Variants in SH2B2 observed in about 807,000 individuals in gnomAD.
The protein encoded by SH2B2 is SH2B adapter protein 2.
A neutral mutation model predicts 35.7 loss-of-function variants in SH2B2; 37 were observed. The observed-to-expected ratio is 1.04, with a 90% CI of 0.80 to 1.36. SH2B2 has a LOEUF of 1.36. Ranked by LOEUF, SH2B2 falls within the 40% of genes most tolerant of loss-of-function variation. The probability of loss-of-function intolerance (pLI) is 0.00; values close to 1 mark genes in which losing one functional copy is unlikely to be tolerated. For missense variants in SH2B2, 852 were observed against 817.7 expected (o/e 1.04, Z -0.51); for synonymous variants, 383 against 376.4 (o/e 1.02, Z -0.20).
intron 3 of SH2B2, 94 bp from the exon 4 acceptor site, chr7:102,308,721 G>A (rs1793497794): frequency 1.1e-6 from 1 of 892,906 alleles, no homozygotes; most frequent in South Asian, 1.4e-5. Flanking sequence ...TGGGAGAGGG[G>A]GATCAGCCAT....
intron 1 of SH2B2, among the ~76,000 whole-genome samples, chr7:102,290,283 G>A (rs1454583411): frequency 4.0e-5 from 6 of 149,604 alleles, no homozygotes; most frequent in South Asian, 2.1e-4. Context: ...TTGCTCTGTC[G>A]ACCAGGCTGG....
intron 1 of SH2B2, among the ~76,000 whole-genome samples, chr7:102,291,256 G>A (rs1792660955): frequency 6.6e-6 from 1 of 152,220 alleles, no homozygotes. Flanking sequence ...AAGCCGGGGG[G>A]CTCAGCAGAA....
intron 7 of SH2B2, among the ~76,000 whole-genome samples, chr7:102,318,119 A>G (rs1554557465): frequency 6.6e-6 from 1 of 151,880 alleles, no homozygotes; most frequent in Non-Finnish European, 1.5e-5. Context: ...TCCTTGCTAT[A>G]TTGACCTGAA....
chr7:102,300,560 G>T lies in SH2B2; in HGVS notation c.10G>T (p.Ala4Ser). Residue 4 changes from alanine (A) to serine (S), a missense_variant, in exon 2 of 9, where the codon GCC becomes TCC. Physicochemically the swap from Ala to Ser is moderately conservative, Grantham distance 99 (BLOSUM62 1). Transcript: ENST00000444095. ...CGATGGGACGGAAGCCATGAATGGT[G>T]CCGGCCCTGGCCCCGCCGCAGCCGC... MNG[A>S]GPGPAAAAPV... The T allele has an allele frequency of 6.5e-7, 1 of 1,545,406 alleles. No homozygotes were observed. The highest frequency in any genetic ancestry group is 8.7e-7 in the Non-Finnish European group (1 of 1,145,920).
intron 4 of SH2B2, among the ~76,000 whole-genome samples, chr7:102,312,857 C>T (rs6956640): frequency 0.21 from 31,152 of 151,862 alleles, 3,909 homozygotes; most frequent in East Asian, 0.31. Flanking sequence ...GGGCCGGGCG[C>T]GGTGGCTCAT....
At chr7:102,289,218 A>G (rs1264665786) in intron 1 of SH2B2, among the ~76,000 whole-genome samples, 2 of 152,108 alleles carry the variant, frequency 1.3e-5, no homozygotes, top group African/African-American at 4.8e-5. Flanking sequence ...CCCATTCTCC[A>G]CATACTTCCG....
At chr7:102,305,490 TC>T (rs1793358508) in intron 2 of SH2B2, among the ~76,000 whole-genome samples, 1 of 152,072 alleles carries the variant, frequency 6.6e-6, no homozygotes, top group Non-Finnish European at 1.5e-5. Context: ...GGTCTGGAAT[TC>T]CTGACCTCAA....
At chr7:102,315,569 G>A (rs1379935975) in intron 6 of SH2B2, among the ~76,000 whole-genome samples, 3 of 151,652 alleles carry the variant, frequency 2.0e-5, no homozygotes, top group South Asian at 2.1e-4. Context: ...CCTAAGTGCT[G>A]GAATTATAGG....
intron 1 of SH2B2, among the ~76,000 whole-genome samples, chr7:102,298,952 G>A (rs1229148367): frequency 8.4e-6 from 1 of 119,498 alleles, no homozygotes; most frequent in Non-Finnish European, 1.6e-5. Flanking sequence ...ATGGAGTCTC[G>A]CTCTGTCGCC....
intron 1 of SH2B2, among the ~76,000 whole-genome samples, chr7:102,296,949 A>G (rs1792941315): frequency 6.6e-6 from 1 of 151,926 alleles, no homozygotes; most frequent in African/African-American, 2.4e-5. Flanking sequence ...ACTGCACTCC[A>G]CCCTGGGAGA....
At chr7:102,319,206 C>T (rs782290854) in intron 7 of SH2B2, among the ~76,000 whole-genome samples, 2 of 152,212 alleles carry the variant, frequency 1.3e-5, no homozygotes, top group Non-Finnish European at 2.9e-5. Flanking sequence ...GATTGGGATG[C>T]GTCCAACTTG....
At chr7:102,309,465 A>C in intron 4 of SH2B2, 1 of 293,802 alleles carries the variant, frequency 3.4e-6, no homozygotes, top group South Asian at 2.8e-5. Context: ...GGTTCAAGCA[A>C]TTTTCCTGCC....
In SH2B2 at chr7:102,300,835, G is replaced by A. The variant is rs1198700823; in HGVS notation, c.285G>A (p.Glu95=). Residue 95 remains glutamate, a synonymous_variant, in exon 2 of 9, where the codon GAG becomes GAA. Transcript: ENST00000444095. The stretch of plus-strand genomic sequence containing the variant: ...CTCGGGGCGCGGCCGTGAGCGCAGA[G>A]GCCATGGAGCCGGAGCTCGCGGACA... ...PTTRGAAVSA[E]AMEPELADTS... The A allele has an allele frequency of 1.4e-6, 2 of 1,464,678 alleles. No homozygotes were observed. Among genetic ancestry groups the A allele is most frequent in the Non-Finnish European group, 1.8e-6 (2 of 1,105,922 alleles). The allele number at this position is 1,464,678 out of a possible 1,614,324, so 90.7% of individuals were successfully genotyped here.
At chr7:102,310,759 A>C (rs531489647) in intron 4 of SH2B2, among the ~76,000 whole-genome samples, 1 of 152,208 alleles carries the variant, frequency 6.6e-6, no homozygotes, top group African/African-American at 2.4e-5. Context: ...CCTCCGGACC[A>C]TCTGCTCTGC....
At chr7:102,289,254 G>A (rs1295666181) in intron 1 of SH2B2, among the ~76,000 whole-genome samples, 2 of 152,122 alleles carry the variant, frequency 1.3e-5, no homozygotes, top group Non-Finnish European at 2.9e-5. Context: ...GCGCCCACCT[G>A]GGGGGTGGGG....
In SH2B2 at chr7:102,321,327, C is replaced by T. The variant is rs782442349; in HGVS notation, c.1596C>T (p.Pro532=). The T allele has an allele frequency of 9.8e-6, 14 of 1,431,370 alleles. No individual in the cohort carries two copies. The South Asian group carries it at 1.8e-4, about 18-fold the overall frequency. The allele number at this position is 1,431,370 out of a possible 1,614,324, so 88.7% of individuals were successfully genotyped here. The part of the protein sequence containing the change: ...PEPGPTPPAA[P]ASPACWSDSP... Reference sequence around the variant, plus strand: ...CGGGCCCCACGCCCCCTGCCGCGCCCGCGTCCCCGGCCTGCTGGAGCGACT... The same window carrying T: ...CGGGCCCCACGCCCCCTGCCGCGCCTGCGTCCCCGGCCTGCTGGAGCGACT... The change falls in exon 9 of 9, where the codon CCC becomes CCT. Residue 532 remains proline, a synonymous_variant. Transcript: ENST00000444095.
chr7:102,310,751 TC>T (rs1793589943), intron 4 of SH2B2, among the ~76,000 whole-genome samples: 1 of 152,300 alleles, frequency 6.6e-6, no homozygotes, highest in South Asian at 2.1e-4. Context: ...TCCACCGCCC[TC>T]CGGACCATCT....
intron 2 of SH2B2, among the ~76,000 whole-genome samples, chr7:102,305,252 T>TTTTTA (rs149707422): frequency 1.4e-3 from 209 of 151,944 alleles, no homozygotes; most frequent in African/African-American, 4.0e-3. Context: ...ATTTTTTATT[T>TTTTTA]TTTTATTTTA....
intron 1 of SH2B2, among the ~76,000 whole-genome samples, chr7:102,296,300 G>C (rs533557594): frequency 6.6e-6 from 1 of 152,326 alleles, no homozygotes; most frequent in Admixed American, 6.5e-5. Flanking sequence ...GATCCCAGAG[G>C]AGAGATGAGA....
Sources: allele counts gnomAD v4.1 joint callset (sites outside exome capture counted in the v4.1 genomes callset), GRCh38; gene constraint gnomAD v4.1.1; transcripts MANE v1.5; gene names NCBI Gene and HGNC (gene_info 2026-07-23, HGNC 2026-07-21).